The following EIF2AK4 variants were observed in gnomAD, a reference collection of about 807,000 sequenced individuals.
The protein encoded by EIF2AK4 is eukaryotic translation initiation factor 2 alpha kinase 4.
EIF2AK4 carries 139 observed loss-of-function variants against 211.1 expected under a neutral mutation model. The observed-to-expected ratio is 0.66, with a 90% CI of 0.57 to 0.76. The LOEUF (loss-of-function observed/expected upper bound fraction) is 0.76, where lower values mean the gene tolerates loss of function less well. Among genes scored for constraint, EIF2AK4 ranks in the 30% least tolerant of loss-of-function variants. EIF2AK4 has a pLI of 0.00. For synonymous variants in EIF2AK4, 710 were observed against 751.3 expected (o/e 0.94, Z 0.90); for missense variants, 1,664 against 2,043.8 (o/e 0.81, Z 3.58).
chr15:39,989,978 T>G (rs1036506944), intron 15 of EIF2AK4, among the ~76,000 whole-genome samples: 1 of 152,178 alleles, frequency 6.6e-6, no homozygotes, highest in African/African-American at 2.4e-5. Context: ...GGAGAGGTTT[T>G]GTAATGCAGC....
chr15:39,940,862 A>G (rs1423741531), intron 2 of EIF2AK4, among the ~76,000 whole-genome samples: 3 of 152,116 alleles, frequency 2.0e-5, no homozygotes, highest in Admixed American at 1.3e-4. Context: ...AGTACTTCTG[A>G]CCATTTATAG....
intron 15 of EIF2AK4, 22 bp downstream of exon 15, chr15:39,988,127 A>G (rs2034891630): frequency 6.2e-7 from 1 of 1,612,084 alleles, no homozygotes; most frequent in South Asian, 1.1e-5. Context: ...AACATTTCAT[A>G]TCTGAAGACT....
intron 14 of EIF2AK4, among the ~76,000 whole-genome samples, chr15:39,987,595 G>A (rs1204193482): frequency 1.3e-5 from 2 of 152,152 alleles, no homozygotes; most frequent in African/African-American, 4.8e-5. Flanking sequence ...TTTAATGTAA[G>A]AAAAGCTAAT....
chr15:39,992,128 A>G, intron 16 of EIF2AK4, 47 bp from the exon 17 acceptor site: 1 of 1,532,514 alleles, frequency 6.5e-7, no homozygotes, highest in South Asian at 1.2e-5. Context: ...ATTCTCATGG[A>G]ATAATATCAT....
chr15:39,978,113 A>G lies in EIF2AK4; in HGVS notation c.2285A>G (p.Asp762Gly), dbSNP rs1566992309. The change falls in exon 13 of 39, where the codon GAC (aspartate) becomes GGC (glycine). Residue 762 changes from aspartate (D) to glycine (G), a missense_variant. By Grantham distance (94) the Asp-to-Gly change is moderately conservative (BLOSUM62 -1). Coordinates refer to ENST00000263791, the MANE Select transcript of EIF2AK4 (RefSeq NM_001013703.4). ...GATTCTGAAAGTGATATTATCTTTG[A>G]CAATGAAGATGAGAACAGTAAAAGT... ...ASDSESDIIF[D>G]NEDENSKSQN... is the part of the protein sequence containing the mutation. The G allele has an allele frequency of 6.3e-7, 1 of 1,595,332 alleles. No individual in the cohort carries two copies. The highest frequency in any genetic ancestry group is 2.2e-5 in the East Asian group (1 of 44,626).
At chr15:39,992,965 C>T (rs2034965941) in intron 18 of EIF2AK4, 117 bp downstream of exon 18, 4 of 952,476 alleles carry the variant, frequency 4.2e-6, no homozygotes, top group Non-Finnish European at 5.0e-6. Flanking sequence ...ATTCACACTC[C>T]AGGAAGGACT....
chr15:40,033,501 G>A (rs777876349), intron 37 of EIF2AK4, among the ~76,000 whole-genome samples: 4 of 152,092 alleles, frequency 2.6e-5, no homozygotes, highest in African/African-American at 2.4e-5. Context: ...TATAGTCATA[G>A]CTACAGGTGA....
intron 32 of EIF2AK4, among the ~76,000 whole-genome samples, chr15:40,022,923 C>T (rs1369788492): frequency 7.2e-5 from 11 of 152,130 alleles, no homozygotes; most frequent in African/African-American, 2.7e-4. Context: ...TTAGTGGAGA[C>T]GGGGTTTCAC....
At chr15:39,935,360 A>G (rs1183923971) in intron 1 of EIF2AK4, among the ~76,000 whole-genome samples, 1 of 149,936 alleles carries the variant, frequency 6.7e-6, no homozygotes. Context: ...TCTTTTTGAG[A>G]CAGGGTCTTG....
chr15:39,941,704 C>G (rs2034147164), intron 2 of EIF2AK4, among the ~76,000 whole-genome samples: 1 of 152,258 alleles, frequency 6.6e-6, no homozygotes, highest in East Asian at 1.9e-4. Context: ...GCAGATAACT[C>G]TTTGTTGTGG....
At chr15:39,987,606 G>A (rs2034883701) in intron 14 of EIF2AK4, among the ~76,000 whole-genome samples, 1 of 152,250 alleles carries the variant, frequency 6.6e-6, no homozygotes, top group South Asian at 2.1e-4. Flanking sequence ...AAAAGCTAAT[G>A]ATATAATTAG....
chr15:40,031,877 C>T (rs2035548889), intron 35 of EIF2AK4, among the ~76,000 whole-genome samples: 1 of 152,170 alleles, frequency 6.6e-6, no homozygotes. Flanking sequence ...AAGCGCCGGC[C>T]ACCATGCCCT....
chr15:40,003,308 C>G lies in EIF2AK4; in HGVS notation c.3351C>G (p.Asp1117Glu), dbSNP rs1567001245. The change falls in exon 23 of 39, where the codon GAC becomes GAG. Residue 1117 changes from aspartate to glutamate, a missense_variant. Physicochemically the swap from Asp to Glu is conservative, Grantham distance 45 (BLOSUM62 2). Coordinates refer to ENST00000263791, the MANE Select transcript of EIF2AK4 (RefSeq NM_001013703.4). ...GGATGCTGGTGATGCTTCCTTTTGA[C>G]CTGCGGGTGAGGCTGGGAACACACT... ...HSGMLVMLPF[D>E]LRIPFARYVA... The G allele has an allele frequency of 6.2e-7, 1 of 1,614,072 alleles. No homozygotes were observed. Among genetic ancestry groups the G allele is most frequent in the Admixed American group, 1.7e-5 (1 of 60,022 alleles).
In EIF2AK4 at chr15:40,011,334, G is replaced by A. The variant is rs2035232663; in HGVS notation, c.3747G>A (p.Leu1249=). ...EVEAKFCNLS[L]SSNSLCRLYK... ...AAGCTAAATTTTGTAATCTGTCTTT[G>A]TCTTCTAATAGTGTAAGTACCTTCT... The change falls in exon 27 of 39, where the codon TTG becomes TTA. Residue 1249 remains leucine, a synonymous_variant. Transcript: ENST00000263791. The A allele has an allele frequency of 6.2e-7, 1 of 1,612,420 alleles. No homozygotes were observed. Among genetic ancestry groups the A allele is most frequent in the Admixed American group, 1.7e-5 (1 of 59,902 alleles).
chr15:40,021,044 C>T lies in EIF2AK4; in HGVS notation c.4302+17C>T. On this transcript the variant is annotated intron_variant, in intron 31 of 38. Coordinates refer to ENST00000263791, the MANE Select transcript of EIF2AK4 (RefSeq NM_001013703.4). ...TGGTCACAGGTAATGGGACAAAAAG[C>T]ACCTGTGAGTGAAGTGCAAATTGCT... The T allele has an allele frequency of 6.2e-7, 1 of 1,609,506 alleles. No individual in the cohort carries two copies. Among genetic ancestry groups the T allele is most frequent in the East Asian group, 2.2e-5 (1 of 44,720 alleles).
At chr15:39,989,442 A>G (rs992462068) in intron 15 of EIF2AK4, among the ~76,000 whole-genome samples, 2 of 152,234 alleles carry the variant, frequency 1.3e-5, no homozygotes, top group African/African-American at 2.4e-5. Flanking sequence ...ATGAAAATGA[A>G]TTCTAATGAG....
Position 39,978,131 on chromosome 15 carries a change from G to A in EIF2AK4, c.2303G>A (p.Ser768Asn). Residue 768 changes from serine (S) to asparagine (N), a missense_variant, in exon 13 of 39, where the codon AGT becomes AAT. Physicochemically the swap from Ser to Asn is conservative, Grantham distance 46. Transcript: ENST00000263791. ...ATCTTTGACAATGAAGATGAGAACA[G>A]TAAAAGTCAGAATCAGGTATATATA... The part of the protein sequence containing the change: ...DIIFDNEDEN[S>N]KSQNQDEDCN... 1 of 1,578,602 alleles carries A rather than the reference G, an allele frequency of 6.3e-7. No homozygotes were observed. Among genetic ancestry groups the A allele is most frequent in the South Asian group, 1.2e-5 (1 of 86,672 alleles).
intron 6 of EIF2AK4, among the ~76,000 whole-genome samples, 185 bp downstream of exon 6, chr15:39,955,953 G>A (rs916319202): frequency 4.0e-5 from 6 of 149,948 alleles, no homozygotes; most frequent in South Asian, 2.1e-4. Context: ...ACTAAATTGC[G>A]TTTAACACTT....
rs1228229052 is a variant in EIF2AK4, at chr15:39,934,171, G to C, written c.-25G>C. On this transcript the variant is annotated 5_prime_UTR_variant, in exon 1 of 39. Transcript: ENST00000263791. ...GGCCCACCGCCGCCCAGGCAAGGCC[G>C]CCCTGCCTTGGGCGCAGCGCTGCCA... 3.6e-6 allele frequency: 5 copies of C among 1,403,244 alleles called. No individual in the cohort carries two copies. The highest frequency in any genetic ancestry group is 4.6e-6 in the Non-Finnish European group (5 of 1,080,170). The allele number at this position is 1,403,244 out of a possible 1,614,324, so 86.9% of individuals were successfully genotyped here. A position where few individuals can be genotyped will look rare whatever the true frequency, so the allele number is the denominator to read the frequency against.
Sources: gnomAD v4.1 joint callset for allele counts (sites outside exome capture counted in the v4.1 genomes callset) on GRCh38, gnomAD v4.1.1 for gene constraint, MANE v1.5 for transcripts, NCBI Gene and HGNC (gene_info 2026-07-23, HGNC 2026-07-21) for gene names.